CNTN1: variants seen among roughly 807,000 people sequenced by gnomAD.
The protein encoded by CNTN1 is contactin-1.
Under a neutral mutation model 126.4 loss-of-function variants are expected in CNTN1, and 38 were observed. That is an observed-to-expected ratio of 0.30 (90% confidence interval 0.23 to 0.39). The LOEUF (loss-of-function observed/expected upper bound fraction) is 0.39. CNTN1 is among the 10% of genes least tolerant of loss of function. CNTN1 has a pLI of 1.00. For synonymous variants in CNTN1, 413 were observed against 422.6 expected, an observed-to-expected ratio of 0.98 and a Z score of 0.28; for missense variants, 1,009 against 1,248.4, an observed-to-expected ratio of 0.81 and a Z score of 2.89.
At position 41,028,074 on chromosome 12, in the gene CNTN1, C is replaced by A. The variant is rs150576665; in HGVS notation, c.2823+105C>A. ...TGAGATGGAATTTTGCTCTGTCACC[C>A]AGACCGGAGTGCAGTGGTACAATCT... On this transcript the variant is annotated intron_variant, in intron 22 of 23. Coordinates refer to ENST00000551295, the MANE Select transcript of CNTN1 (RefSeq NM_001843.4). 66 of 782,272 alleles carry A rather than the reference C, an allele frequency of 8.4e-5. No individual in the cohort carries two copies. The Middle Eastern group carries it at 9.8e-4, about 12-fold the overall frequency. The allele number at this position is 782,272 out of a possible 1,614,324, so 48.5% of individuals were successfully genotyped here. A position where few individuals can be genotyped will look rare whatever the true frequency, so the allele number is the denominator to read the frequency against.
chr12:40,998,117 T>A (rs1432824704), intron 17 of CNTN1, among the ~76,000 whole-genome samples: 1 of 152,172 alleles, frequency 6.6e-6, no homozygotes, highest in Admixed American at 6.5e-5. Context: ...CATATTATAA[T>A]TTAGAAGAAT....
At chr12:40,806,407 G>A (rs186207607) in intron 1 of CNTN1, among the ~76,000 whole-genome samples, 1 of 152,216 alleles carries the variant, frequency 6.6e-6, no homozygotes, top group Admixed American at 6.5e-5. Context: ...GCTGTAATGT[G>A]TCTCTTTGTT....
intron 1 of CNTN1, among the ~76,000 whole-genome samples, chr12:40,713,316 T>G (rs1013851339): frequency 1.3e-5 from 2 of 151,754 alleles, no homozygotes; most frequent in Admixed American, 1.3e-4. Flanking sequence ...ATTGATATAG[T>G]TCATGGGAAT....
chr12:40,881,715 T>C (rs1308964433), intron 1 of CNTN1, among the ~76,000 whole-genome samples: 2 of 151,850 alleles, frequency 1.3e-5, no homozygotes, highest in Non-Finnish European at 3.0e-5. Flanking sequence ...TATAAAAGAC[T>C]ACCACACCCA....
chr12:41,030,582 T>G (rs1592430670), intron 23 of CNTN1, among the ~76,000 whole-genome samples: 1 of 152,256 alleles, frequency 6.6e-6, no homozygotes, highest in South Asian at 2.1e-4. Context: ...TTTTTGTAAA[T>G]TATTTAAAAA....
At chr12:40,814,697 A>G (rs1211337446) in intron 1 of CNTN1, among the ~76,000 whole-genome samples, 24 of 152,070 alleles carry the variant, frequency 1.6e-4, no homozygotes, top group Non-Finnish European at 1.5e-5. Flanking sequence ...TTGGTTCCAT[A>G]TGAACTTTAA....
In CNTN1 at chr12:40,829,989, G is replaced by A. The variant is rs573890074; in HGVS notation, c.-76-78368G>A. On this transcript the variant is annotated intron_variant, in intron 1 of 23. Transcript: ENST00000551295. ...TTGGATCTGGCTGAGTTGACAGTAG[G>A]AGAATAAAAGCTCCCGTGCTGGGTG... Among the ~76,000 whole-genome samples, 4 of 152,254 alleles carry A rather than the reference G, an allele frequency of 2.6e-5. No homozygotes were observed. The East Asian group carries it at 7.7e-4, about 29-fold the overall frequency.
chr12:40,707,530 G>GA (rs1398679446), intron 1 of CNTN1, among the ~76,000 whole-genome samples: 1 of 152,028 alleles, frequency 6.6e-6, no homozygotes, highest in Non-Finnish European at 1.5e-5. Context: ...GGGATTACAG[G>GA]CTTCCTCTTT....
intron 1 of CNTN1, among the ~76,000 whole-genome samples, chr12:40,808,507 A>G (rs566236827): frequency 4.6e-5 from 7 of 152,310 alleles, no homozygotes; most frequent in Admixed American, 2.0e-4. Context: ...AATAATCTCT[A>G]TAGCATTAAT....
chr12:41,038,051 AG>A (rs1398329926), intron 23 of CNTN1, among the ~76,000 whole-genome samples: 1 of 152,080 alleles, frequency 6.6e-6, no homozygotes, highest in African/African-American at 2.4e-5. Flanking sequence ...CCAGCTACTC[AG>A]GAGGCTGATG....
chr12:41,057,163 A>ATATTT (rs1566236168), intron 23 of CNTN1, among the ~76,000 whole-genome samples: 2 of 141,840 alleles, frequency 1.4e-5, no homozygotes, highest in African/African-American at 2.6e-5. Context: ...TATAAATATT[A>ATATTT]AGATATTTAT....
intron 1 of CNTN1, among the ~76,000 whole-genome samples, chr12:40,856,553 G>A (rs1204958441): frequency 1.3e-5 from 2 of 152,136 alleles, no homozygotes; most frequent in East Asian, 1.9e-4. Context: ...AAGATGCAGA[G>A]AAAGCACAAA....
chr12:40,909,289 C>T (rs1039961639), intron 2 of CNTN1, among the ~76,000 whole-genome samples: 12 of 151,992 alleles, frequency 7.9e-5, no homozygotes, highest in African/African-American at 2.9e-4. Context: ...ATGAGAAGCA[C>T]ATCATATCTT....
At chr12:40,906,385 A>T (rs1333039654) in intron 1 of CNTN1, among the ~76,000 whole-genome samples, 1 of 152,170 alleles carries the variant, frequency 6.6e-6, no homozygotes, top group Non-Finnish European at 1.5e-5. Flanking sequence ...TCAGGCTTAT[A>T]TATATTAAAA....
chr12:40,863,765 T>TGTC (rs1555170428), intron 1 of CNTN1, among the ~76,000 whole-genome samples: 5 of 151,650 alleles, frequency 3.3e-5, no homozygotes, highest in African/African-American at 1.2e-4. Flanking sequence ...CCTGATGATC[T>TGTC]GTGGAACAGT....
At chr12:41,064,540 A>G (rs1183805509) in intron 23 of CNTN1, among the ~76,000 whole-genome samples, 2 of 152,236 alleles carry the variant, frequency 1.3e-5, no homozygotes, top group African/African-American at 4.8e-5. Flanking sequence ...CATTTCTGAA[A>G]TGCTTTACAT....
At chr12:40,750,099 G>A (rs1938347673) in intron 1 of CNTN1, among the ~76,000 whole-genome samples, 1 of 152,078 alleles carries the variant, frequency 6.6e-6, no homozygotes, top group South Asian at 2.1e-4. Context: ...AGAAGAATGA[G>A]AGGAATGGAG....
At chr12:41,017,765 C>A (rs1193347235) in intron 19 of CNTN1, among the ~76,000 whole-genome samples, 2 of 151,970 alleles carry the variant, frequency 1.3e-5, no homozygotes, top group Admixed American at 6.6e-5. Context: ...GTTTAAGCTG[C>A]TATACTTTTG....
chr12:40,886,093 C>G (rs896284503), intron 1 of CNTN1, among the ~76,000 whole-genome samples: 1 of 152,004 alleles, frequency 6.6e-6, no homozygotes, highest in Non-Finnish European at 1.5e-5. Flanking sequence ...TTATTTAAAT[C>G]CATTTTCTTT....
Sources: gnomAD v4.1 joint callset for allele counts (sites outside exome capture counted in the v4.1 genomes callset) on GRCh38, gnomAD v4.1.1 for gene constraint, MANE v1.5 for transcripts, NCBI Gene and HGNC (gene_info 2026-07-23, HGNC 2026-07-21) for gene names.